Variants in POPDC1 observed in about 807,000 individuals in gnomAD.
POPDC1 encodes popeye domain-containing protein 1.
chr6:105,121,803 C>A, the POPDC1 span, among the ~76,000 whole-genome samples: 1 of 152,332 alleles, frequency 6.6e-6, no homozygotes, highest in South Asian at 2.1e-4. Flanking sequence ...CTTGCCTTCT[C>A]TTTCCTCCTT....
chr6:105,129,636 A>C, the POPDC1 span: 1 of 801,250 alleles, frequency 1.2e-6, no homozygotes, highest in Non-Finnish European at 1.9e-6. Flanking sequence ...ACCCCCAGTG[A>C]ACGCCTGAAA....
chr6:105,101,328 G>T, the POPDC1 span: 2 of 1,124,842 alleles, frequency 1.8e-6, no homozygotes, highest in Non-Finnish European at 1.2e-6. Context: ...TCTATCACTA[G>T]CAGCACCAAG....
At chr6:105,115,970 T>A in the POPDC1 span, 1 of 614,682 alleles carries the variant, frequency 1.6e-6, no homozygotes. Flanking sequence ...CCAATAAACA[T>A]AAGCTATGAT....
chr6:105,101,362 T>A, the POPDC1 span: 2 of 878,930 alleles, frequency 2.3e-6, no homozygotes, highest in Non-Finnish European at 3.2e-6. Flanking sequence ...TAAACCATTC[T>A]ATTTCAATCC....
the POPDC1 span, chr6:105,124,700 A>C: frequency 7.5e-7 from 1 of 1,327,314 alleles, no homozygotes; most frequent in Non-Finnish European, 1.1e-6. Flanking sequence ...TTTCACAAAT[A>C]CCATGATAAT....
At chr6:105,111,397 C>A in the POPDC1 span, among the ~76,000 whole-genome samples, 1 of 152,178 alleles carries the variant, frequency 6.6e-6, no homozygotes, top group Non-Finnish European at 1.5e-5. Flanking sequence ...ACAAAGATGA[C>A]AACAAGGTGC....
the POPDC1 span, among the ~76,000 whole-genome samples, chr6:105,113,176 C>T: frequency 6.6e-6 from 1 of 152,010 alleles, no homozygotes; most frequent in Non-Finnish European, 1.5e-5. Flanking sequence ...AAGCGATCCT[C>T]CAGCTTCAAC....
chr6:105,112,863 C>T, the POPDC1 span, among the ~76,000 whole-genome samples: 2 of 152,116 alleles, frequency 1.3e-5, no homozygotes, highest in African/African-American at 4.8e-5. Context: ...TGGAAAAACA[C>T]TAGTCAACTG....
chr6:105,108,374 A>G, the POPDC1 span, among the ~76,000 whole-genome samples: 13 of 152,310 alleles, frequency 8.5e-5, no homozygotes, highest in South Asian at 2.7e-3. Flanking sequence ...GAGAAAGGAT[A>G]TAAGGACAGA....
chr6:105,111,183 T>TA, the POPDC1 span, among the ~76,000 whole-genome samples: 16 of 152,020 alleles, frequency 1.1e-4, no homozygotes, highest in South Asian at 2.1e-4. Flanking sequence ...CTTGTGATTT[T>TA]AAAAAAAAAT....
At chr6:105,135,734 T>C in the POPDC1 span, among the ~76,000 whole-genome samples, 2 of 152,106 alleles carry the variant, frequency 1.3e-5, no homozygotes, top group Non-Finnish European at 2.9e-5. Context: ...GAGAGATATA[T>C]ATAGATATAT....
At chr6:105,125,871 TG>T in the POPDC1 span, among the ~76,000 whole-genome samples, 1 of 152,008 alleles carries the variant, frequency 6.6e-6, no homozygotes, top group Non-Finnish European at 1.5e-5. Context: ...GAGAGCAGCC[TG>T]GGTAACACAG....
chr6:105,097,410 C>T, the POPDC1 span: 2 of 152,206 alleles, frequency 1.3e-5, no homozygotes, highest in Admixed American at 6.5e-5. Context: ...AATGGTGAGG[C>T]CTTGGGGCTG....
At chr6:105,115,876 T>C in the POPDC1 span, 5 of 1,591,534 alleles carry the variant, frequency 3.1e-6, no homozygotes, top group African/African-American at 5.4e-5. Flanking sequence ...AGTTGAATCA[T>C]ACATTCCATT....
At chr6:105,123,103 T>C in the POPDC1 span, among the ~76,000 whole-genome samples, 1 of 152,200 alleles carries the variant, frequency 6.6e-6, no homozygotes, top group East Asian at 1.9e-4. Context: ...AATGAGACTC[T>C]AAAATAAGAT....
chr6:105,133,619 G>A, the POPDC1 span: 30 of 1,471,936 alleles, frequency 2.0e-5, no homozygotes, highest in Middle Eastern at 1.8e-4. Flanking sequence ...AAGTAAAATC[G>A]TAAAAATGGC....
chr6:105,111,424 T>C, the POPDC1 span, among the ~76,000 whole-genome samples: 1 of 152,188 alleles, frequency 6.6e-6, no homozygotes, highest in Admixed American at 6.5e-5. Context: ...GAGCAACACC[T>C]TGGTCCAGGA....
At chr6:105,118,972 C>T in the POPDC1 span, among the ~76,000 whole-genome samples, 23 of 152,032 alleles carry the variant, frequency 1.5e-4, no homozygotes, top group African/African-American at 5.5e-4. Flanking sequence ...TCACTTCAGG[C>T]CAGGAGCTCG....
the POPDC1 span, chr6:105,098,108 C>A: frequency 6.6e-6 from 1 of 152,228 alleles, no homozygotes; most frequent in African/African-American, 2.4e-5. Context: ...GAACTTTGAT[C>A]ATTCAGCTAA....
Sources: gnomAD v4.1 joint callset for allele counts (sites outside exome capture counted in the v4.1 genomes callset) on GRCh38, gnomAD v4.1.1 for gene constraint, MANE v1.5 for transcripts, NCBI Gene and HGNC (gene_info 2026-07-23, HGNC 2026-07-21) for gene names.